The following STK3 variants were observed in gnomAD, a reference collection of about 807,000 sequenced individuals.
The protein encoded by STK3 is serine/threonine kinase 3, also known as serine/threonine-protein kinase 3.
STK3 carries 41 observed loss-of-function variants against 58.0 expected under a neutral mutation model. The ratio of observed to expected loss-of-function variants is 0.71; its 90% CI spans 0.55 to 0.92. The LOEUF (loss-of-function observed/expected upper bound fraction) is 0.92, where lower values mean the gene tolerates loss of function less well. Among genes scored for constraint, STK3 ranks in the 40% least tolerant of loss-of-function variants. The pLI, the probability that STK3 is intolerant of heterozygous loss-of-function variation, is 0.00. For missense variants in STK3, 479 were observed against 602.7 expected (o/e 0.79, Z 2.15); for synonymous variants, 170 against 191.0 (o/e 0.89, Z 0.91).
At chr8:98,596,813 C>T (rs1024987428) in intron 6 of STK3, among the ~76,000 whole-genome samples, 5 of 151,882 alleles carry the variant, frequency 3.3e-5, no homozygotes, top group Non-Finnish European at 7.4e-5. Flanking sequence ...TCTCATCTCT[C>T]GCCTCCTAGA....
the STK3 span, among the ~76,000 whole-genome samples, chr8:98,362,697 A>C: frequency 6.6e-6 from 1 of 152,198 alleles, no homozygotes; most frequent in East Asian, 1.9e-4. Context: ...TTCCTGCAGC[A>C]CAGGCTTAGA....
chr8:98,436,788 G>A (rs904212116), intron 2 of STK3: 3 of 152,198 alleles, frequency 2.0e-5, no homozygotes, highest in African/African-American at 7.2e-5. Flanking sequence ...AAGGCTCCCA[G>A]GTGACTTGGG....
chr8:98,363,045 C>A, the STK3 span, among the ~76,000 whole-genome samples: 1 of 152,198 alleles, frequency 6.6e-6, no homozygotes, highest in Non-Finnish European at 1.5e-5. Flanking sequence ...AAGGCTCATG[C>A]ATTCTGAATG....
At chr8:98,400,071 C>T (rs1817928388), downstream of STK3, among the ~76,000 whole-genome samples, 1 of 152,112 alleles carries the variant, frequency 6.6e-6, no homozygotes, top group East Asian at 1.9e-4. Context: ...AGCTGCTTTC[C>T]AACCCAAATG....
intron 2 of STK3, 113 bp downstream of exon 2, chr8:98,774,626 A>C: frequency 1.4e-6 from 1 of 710,106 alleles, no homozygotes; most frequent in Non-Finnish European, 2.2e-6. Context: ...TTTAATTACT[A>C]TTAAATACTA....
At chr8:98,472,125 A>G (rs1466881574) in intron 10 of STK3, among the ~76,000 whole-genome samples, 2 of 152,158 alleles carry the variant, frequency 1.3e-5, no homozygotes, top group Non-Finnish European at 2.9e-5. Context: ...AGGCACCAAG[A>G]GTTTGAACTT....
chr8:98,461,471 C>T (rs1285543372), intron 10 of STK3, among the ~76,000 whole-genome samples: 4 of 152,150 alleles, frequency 2.6e-5, no homozygotes, highest in African/African-American at 9.7e-5. Flanking sequence ...AGCATTTAGA[C>T]CATTTACATT....
intron 3 of STK3, among the ~76,000 whole-genome samples, chr8:98,858,323 T>TAGAGAGAGAGAGAGAGAG (rs1554691273): frequency 1.8e-4 from 3 of 16,276 alleles, no homozygotes; most frequent in African/African-American, 2.3e-4. Flanking sequence ...TATATATATA[T>TAGAGAGAGAGAGAGAGAG]AGAGAGAGAG....
At chr8:98,596,652 C>T (rs1207229127) in intron 6 of STK3, among the ~76,000 whole-genome samples, 2 of 152,004 alleles carry the variant, frequency 1.3e-5, no homozygotes, top group Non-Finnish European at 2.9e-5. Context: ...CAAGACTTTT[C>T]TCTTTTTAAA....
intron 3 of STK3, among the ~76,000 whole-genome samples, chr8:98,763,337 T>C (rs1830747314): frequency 6.6e-6 from 1 of 152,228 alleles, no homozygotes; most frequent in Admixed American, 6.5e-5. Flanking sequence ...ATATTTATGC[T>C]AACATGTAGT....
chr8:98,686,012 C>T (rs1823972251), intron 6 of STK3, among the ~76,000 whole-genome samples: 1 of 152,130 alleles, frequency 6.6e-6, no homozygotes, highest in Admixed American at 6.5e-5. Context: ...AAACGTTTTA[C>T]AGTGTATAGC....
intron 6 of STK3, among the ~76,000 whole-genome samples, chr8:98,625,312 C>T (rs1818633174): frequency 6.6e-6 from 1 of 152,158 alleles, no homozygotes; most frequent in African/African-American, 2.4e-5. Flanking sequence ...CATACACACT[C>T]ATCATTATAG....
At chr8:98,751,863 T>C (rs1379848186) in intron 3 of STK3, among the ~76,000 whole-genome samples, 1 of 151,832 alleles carries the variant, frequency 6.6e-6, no homozygotes. Flanking sequence ...TCACTTGAAC[T>C]CAGGAGGCGG....
chr8:98,930,456 A>T (rs1839966558), intron 1 of STK3, among the ~76,000 whole-genome samples: 1 of 152,230 alleles, frequency 6.6e-6, no homozygotes. Context: ...AGTAAATCCA[A>T]CTTTTCTGCT....
At chr8:98,541,692 C>T (rs561617304) in intron 9 of STK3, among the ~76,000 whole-genome samples, 12 of 152,290 alleles carry the variant, frequency 7.9e-5, no homozygotes, top group African/African-American at 2.4e-4. Flanking sequence ...GGACCACCAG[C>T]TAGGTCACAC....
intron 4 of STK3, among the ~76,000 whole-genome samples, chr8:98,719,789 T>C (rs1451906806): frequency 6.6e-6 from 1 of 152,190 alleles, no homozygotes; most frequent in East Asian, 1.9e-4. Context: ...AAACTGATAA[T>C]CCCAGTCCTA....
chr8:98,480,821 G>A (rs976231691), intron 10 of STK3, among the ~76,000 whole-genome samples: 2 of 152,182 alleles, frequency 1.3e-5, no homozygotes, highest in Non-Finnish European at 2.9e-5. Flanking sequence ...GAAAGTTTCA[G>A]GCTATGCTCT....
chr8:98,727,583 CACTG>C (rs754966487), intron 4 of STK3, among the ~76,000 whole-genome samples: 1 of 152,078 alleles, frequency 6.6e-6, no homozygotes, highest in Non-Finnish European at 1.5e-5. Context: ...AAGCACAAAC[CACTG>C]ACTAACTCCA....
intron 3 of STK3, among the ~76,000 whole-genome samples, chr8:98,853,721 C>A (rs1021534776): frequency 5.3e-5 from 8 of 152,272 alleles, no homozygotes; most frequent in African/African-American, 1.7e-4. Context: ...GAAGCTCAGA[C>A]AGAATCAGGA....
Sources: gnomAD v4.1 joint callset for allele counts (sites outside exome capture counted in the v4.1 genomes callset) on GRCh38, gnomAD v4.1.1 for gene constraint, MANE v1.5 for transcripts, NCBI Gene and HGNC (gene_info 2026-07-23, HGNC 2026-07-21) for gene names.